Variants in FBXO11 observed in about 807,000 individuals in gnomAD.
FBXO11 encodes the protein F-box only protein 11.
FBXO11 carries 13 observed loss-of-function variants against 117.0 expected under a neutral mutation model. The ratio of observed to expected loss-of-function variants is 0.11; its 90% CI spans 0.07 to 0.18. FBXO11 has a LOEUF of 0.18. FBXO11 is among the 10% of genes least tolerant of loss of function. FBXO11 has a pLI of 1.00. For missense variants in FBXO11, 767 were observed against 1,164.4 expected (o/e 0.66, Z 4.97); for synonymous variants, 490 against 380.5 (o/e 1.29, Z -3.35).
At chr2:47,876,993 G>A (rs1676052632) in intron 1 of FBXO11, among the ~76,000 whole-genome samples, 6 of 149,968 alleles carry the variant, frequency 4.0e-5, no homozygotes, top group Admixed American at 4.0e-4. Flanking sequence ...CTGTTTCATT[G>A]ACCATGTTCA....
At chr2:47,894,064 C>T (rs1677466831) in intron 1 of FBXO11, among the ~76,000 whole-genome samples, 1 of 152,136 alleles carries the variant, frequency 6.6e-6, no homozygotes. Flanking sequence ...TCAAGTAGTT[C>T]CTGATGAACA....
intron 1 of FBXO11, among the ~76,000 whole-genome samples, chr2:47,898,588 C>G (rs1244357131): frequency 6.6e-6 from 1 of 152,150 alleles, no homozygotes; most frequent in African/African-American, 2.4e-5. Flanking sequence ...CTCATCAACA[C>G]ACTGGAAAAA....
intron 5 of FBXO11, 140 bp from the exon 6 acceptor site, chr2:47,835,011 C>A: frequency 1.5e-6 from 1 of 669,716 alleles, no homozygotes. Context: ...TGTCAGAGTA[C>A]AATGTAAAAT....
intron 1 of FBXO11, among the ~76,000 whole-genome samples, chr2:47,892,061 A>G (rs1395389531): frequency 6.6e-6 from 1 of 152,162 alleles, no homozygotes; most frequent in Non-Finnish European, 1.5e-5. Flanking sequence ...CTCCCATTTC[A>G]TAGGATGCCC....
chr2:47,877,789 A>C (rs926007877), intron 1 of FBXO11, among the ~76,000 whole-genome samples: 7 of 152,170 alleles, frequency 4.6e-5, no homozygotes, highest in Non-Finnish European at 1.0e-4. Context: ...GGTTCAAGCG[A>C]TTCTCCTGCT....
chr2:47,855,745 T>A (rs1004211265), intron 1 of FBXO11, among the ~76,000 whole-genome samples: 1 of 151,900 alleles, frequency 6.6e-6, no homozygotes, highest in African/African-American at 2.4e-5. Context: ...GGCAGGAGAA[T>A]TGCTTGAACC....
At chr2:47,894,680 G>A (rs949767174) in intron 1 of FBXO11, among the ~76,000 whole-genome samples, 1 of 152,096 alleles carries the variant, frequency 6.6e-6, no homozygotes, top group Admixed American at 6.6e-5. Context: ...AAGTTCCTTA[G>A]ATTTTTAGAC....
chr2:47,809,987 T>C (rs1448164965), intron 19 of FBXO11: 1 of 490,144 alleles, frequency 2.0e-6, no homozygotes, highest in East Asian at 3.4e-5. Flanking sequence ...AACATCTCTT[T>C]TTCTGTTGCA....
intron 1 of FBXO11, 150 bp downstream of exon 1, chr2:47,905,339 G>T: frequency 1.2e-6 from 1 of 809,680 alleles, no homozygotes; most frequent in Non-Finnish European, 1.6e-6. Flanking sequence ...GGCTGACACT[G>T]CGGCACCGGG....
At chr2:47,809,058 A>G (rs1425542494) in intron 21 of FBXO11, 100 bp downstream of exon 21, 19 of 674,218 alleles carry the variant, frequency 2.8e-5, no homozygotes, top group Non-Finnish European at 3.8e-5. Flanking sequence ...AGTTAGTTAT[A>G]GTCTCAACAC....
chr2:47,881,771 A>G (rs1189189193), intron 1 of FBXO11, among the ~76,000 whole-genome samples: 1 of 151,756 alleles, frequency 6.6e-6, no homozygotes, highest in Non-Finnish European at 1.5e-5. Flanking sequence ...TTTGAGACAG[A>G]GTCTCGCTCT....
intron 11 of FBXO11, among the ~76,000 whole-genome samples, chr2:47,823,993 GC>G (rs760156046): frequency 3.3e-5 from 5 of 152,094 alleles, no homozygotes; most frequent in African/African-American, 4.8e-5. Context: ...ACACCACCAT[GC>G]CTGGCTAATG....
intron 1 of FBXO11, among the ~76,000 whole-genome samples, chr2:47,886,916 G>C (rs80126841): frequency 0.014 from 2,178 of 152,314 alleles, 29 homozygotes; most frequent in Non-Finnish European, 0.022. Context: ...GCACATGCCT[G>C]TGGTTCCAGC....
chr2:47,892,469 G>C (rs916065910), intron 1 of FBXO11, among the ~76,000 whole-genome samples: 26 of 152,126 alleles, frequency 1.7e-4, no homozygotes, highest in Non-Finnish European at 2.4e-4. Context: ...CCTACATCCG[G>C]ATCTTCCAGC....
At chr2:47,897,325 CAGTT>C (rs1370903075) in intron 1 of FBXO11, among the ~76,000 whole-genome samples, 1 of 152,174 alleles carries the variant, frequency 6.6e-6, no homozygotes, top group African/African-American at 2.4e-5. Context: ...TGATTCAAGT[CAGTT>C]GGTTACACTA....
intron 1 of FBXO11, among the ~76,000 whole-genome samples, chr2:47,903,091 AG>A (rs1678423181): frequency 6.6e-6 from 1 of 152,210 alleles, no homozygotes; most frequent in African/African-American, 2.4e-5. Flanking sequence ...GAGTATTCTT[AG>A]TTAACTTCTG....
intron 11 of FBXO11, among the ~76,000 whole-genome samples, chr2:47,826,960 G>C (rs943958060): frequency 2.6e-5 from 4 of 152,108 alleles, no homozygotes; most frequent in African/African-American, 7.2e-5. Context: ...AGCTTTATTG[G>C]AGCTTTAACC....
chr2:47,822,836 AG>A (rs1671487235), intron 12 of FBXO11, among the ~76,000 whole-genome samples: 1 of 152,210 alleles, frequency 6.6e-6, no homozygotes, highest in Non-Finnish European at 1.5e-5. Flanking sequence ...CTCCAAGGGG[AG>A]GTAACAGTCC....
intron 1 of FBXO11, among the ~76,000 whole-genome samples, chr2:47,877,171 G>C (rs1676068275): frequency 6.6e-6 from 1 of 151,912 alleles, no homozygotes; most frequent in Non-Finnish European, 1.5e-5. Context: ...GGGACCACAG[G>C]TGTGCAGCAC....
Sources: allele counts gnomAD v4.1 joint callset (sites outside exome capture counted in the v4.1 genomes callset), GRCh38; gene constraint gnomAD v4.1.1; transcripts MANE v1.5; gene names NCBI Gene and HGNC (gene_info 2026-07-23, HGNC 2026-07-21).